Variants in ATXN7 observed in about 807,000 individuals in gnomAD.
ATXN7 encodes ataxin-7.
A neutral mutation model predicts 70.5 loss-of-function variants in ATXN7; 12 were observed. That is an observed-to-expected ratio of 0.17 (90% CI 0.11 to 0.28). The LOEUF is 0.28. Among genes scored for constraint, ATXN7 ranks in the 10% least tolerant of loss-of-function variants. The pLI is 1.00. For synonymous variants in ATXN7, 498 were observed against 448.7 expected, an observed-to-expected ratio of 1.11 and a Z score of -1.39; for missense variants, 1,256 against 1,131.7, an observed-to-expected ratio of 1.11 and a Z score of -1.58.
intron 5 of ATXN7, among the ~76,000 whole-genome samples, chr3:63,963,088 G>A (rs2075159026): frequency 6.6e-6 from 1 of 151,552 alleles, no homozygotes; most frequent in Non-Finnish European, 1.5e-5. Flanking sequence ...GCTAATTTTT[G>A]TATTTTTTGT....
At chr3:63,941,007 C>G (rs2074753518) in intron 4 of ATXN7, among the ~76,000 whole-genome samples, 1 of 152,156 alleles carries the variant, frequency 6.6e-6, no homozygotes, top group Admixed American at 6.5e-5. Context: ...ATGTTGGTCA[C>G]TGTTGTAGCC....
At chr3:63,913,854 A>G (rs1559629992) in intron 4 of ATXN7, among the ~76,000 whole-genome samples, 1 of 152,210 alleles carries the variant, frequency 6.6e-6, no homozygotes, top group Non-Finnish European at 1.5e-5. Context: ...TTTGGTAAAA[A>G]GATACACTAG....
chr3:63,980,047 T>G lies in ATXN7; in HGVS notation c.632T>G (p.Val211Gly). The G allele has an allele frequency of 6.2e-7, 1 of 1,614,202 alleles. No homozygotes were observed. The highest frequency in any genetic ancestry group is 8.5e-7 in the Non-Finnish European group (1 of 1,180,028). Residue 211 changes from valine (V) to glycine (G), a missense_variant, in exon 6 of 13, where the codon GTT becomes GGT. Transcript: ENST00000674280. ...SGSNRSSSGG[V>G]LSASSSSSKL... ...AGCAACCGTTCTTCCAGTGGAGGTG[T>G]TCTTAGCGCATCCTCATCAAGTTCC... is the stretch of plus-strand genomic sequence containing the variant.
intron 5 of ATXN7, among the ~76,000 whole-genome samples, chr3:63,972,008 G>A (rs1449081201): frequency 6.6e-6 from 1 of 152,138 alleles, no homozygotes; most frequent in Non-Finnish European, 1.5e-5. Flanking sequence ...TTCTTAAGGA[G>A]TTATAATCCT....
At chr3:63,990,712 G>C (rs2075657281) in intron 10 of ATXN7, 26 bp from the exon 11 acceptor site, 1 of 1,614,060 alleles carries the variant, frequency 6.2e-7, no homozygotes, top group Non-Finnish European at 8.5e-7. Context: ...GAGTCAGCAA[G>C]CACGCGGCTA....
Position 63,879,055 on chromosome 3 carries a change from A to G in ATXN7, c.-111+14897A>G, listed in dbSNP as rs9859985. ...TCTGGGGGTGGAAAGTGGATCAGACAAAATTATACCATACCCTATAGCATA... is the reference window on the plus strand; with the variant it reads ...TCTGGGGGTGGAAAGTGGATCAGACGAAATTATACCATACCCTATAGCATA... On this transcript the variant is annotated intron_variant, in intron 1 of 12. Coordinates refer to ENST00000674280, the MANE Select transcript of ATXN7 (RefSeq NM_001377405.1). 3.9e-5 allele frequency among the ~76,000 whole-genome samples: 6 copies of G among 152,214 alleles called. No homozygotes were observed. In the South Asian group the frequency reaches 1.2e-3, roughly 31 times the overall value.
At chr3:63,887,650 A>G (rs1703129668) in intron 1 of ATXN7, among the ~76,000 whole-genome samples, 1 of 152,120 alleles carries the variant, frequency 6.6e-6, no homozygotes, top group South Asian at 2.1e-4. Flanking sequence ...TGGTAGCACT[A>G]TCTCAGCTCA....
At chr3:63,919,352 A>G (rs1484809000) in intron 4 of ATXN7, among the ~76,000 whole-genome samples, 1 of 152,184 alleles carries the variant, frequency 6.6e-6, no homozygotes, top group Admixed American at 6.5e-5. Context: ...TTTGCTGACC[A>G]CTGTTCTGAT....
chr3:63,959,885 T>TG (rs144159194), intron 5 of ATXN7, among the ~76,000 whole-genome samples: 3,662 of 152,286 alleles, frequency 0.024, 150 homozygotes, highest in African/African-American at 0.082. Context: ...CAAAATTTAC[T>TG]GGTGCCTAAT....
At chr3:63,916,913 T>G (rs971192149) in intron 4 of ATXN7, among the ~76,000 whole-genome samples, 1 of 152,168 alleles carries the variant, frequency 6.6e-6, no homozygotes, top group Non-Finnish European at 1.5e-5. Flanking sequence ...TTTTTGTTGT[T>G]GTTGTTGTTA....
chr3:63,992,405 AACTCC>A (rs1440534157), intron 11 of ATXN7, among the ~76,000 whole-genome samples: 7 of 152,142 alleles, frequency 4.6e-5, no homozygotes, highest in African/African-American at 1.7e-4. Context: ...TCCACACCAG[AACTCC>A]CTAAGATACA....
intron 4 of ATXN7, among the ~76,000 whole-genome samples, chr3:63,929,548 G>A (rs369757560): frequency 2.6e-5 from 4 of 152,170 alleles, no homozygotes; most frequent in East Asian, 3.9e-4. Flanking sequence ...TGGGATTACA[G>A]GCGTGAGCCA....
intron 4 of ATXN7, among the ~76,000 whole-genome samples, chr3:63,922,319 G>A (rs1403377878): frequency 2.6e-5 from 4 of 152,168 alleles, no homozygotes; most frequent in Admixed American, 2.6e-4. Flanking sequence ...TGGAATTATA[G>A]GCATGAGCAA....
chr3:63,919,036 A>C (rs1704399968), intron 4 of ATXN7, among the ~76,000 whole-genome samples: 1 of 139,966 alleles, frequency 7.1e-6, no homozygotes, highest in African/African-American at 3.0e-5. Context: ...CCAGAGACCC[A>C]GAAAGACCCT....
At chr3:63,926,562 G>C (rs528960100) in intron 4 of ATXN7, among the ~76,000 whole-genome samples, 1 of 152,120 alleles carries the variant, frequency 6.6e-6, no homozygotes, top group African/African-American at 2.4e-5. Context: ...GTGCTGAAGG[G>C]TTATGAGTGA....
intron 1 of ATXN7, among the ~76,000 whole-genome samples, chr3:63,882,327 T>C (rs1702938238): frequency 2.0e-5 from 3 of 152,146 alleles, no homozygotes; most frequent in Admixed American, 2.0e-4. Context: ...AAATGAACTT[T>C]TAGGCAACAT....
intron 4 of ATXN7, among the ~76,000 whole-genome samples, chr3:63,944,127 TAGTC>T (rs1559641204): frequency 6.6e-6 from 1 of 152,156 alleles, no homozygotes; most frequent in African/African-American, 2.4e-5. Flanking sequence ...CATTGTGAAA[TAGTC>T]AGTTGCTAAT....
chr3:63,909,030 T>G lies in ATXN7; in HGVS notation c.-11-3558T>G, dbSNP rs1246059194. On this transcript the variant is annotated intron_variant, in intron 2 of 12. Coordinates refer to ENST00000674280, the MANE Select transcript of ATXN7 (RefSeq NM_001377405.1). ...CTTACTACTTTTCTCACATACTCAG[T>G]GAAATTACTATCTTGTGTTCACCCT... Among the ~76,000 whole-genome samples the G allele has an allele frequency of 2.6e-5, 4 of 152,216 alleles. No homozygotes were observed. The East Asian group carries it at 7.7e-4, about 29-fold the overall frequency.
chr3:63,993,404 C>T (rs1459346133), intron 11 of ATXN7, among the ~76,000 whole-genome samples: 2 of 149,388 alleles, frequency 1.3e-5, no homozygotes, highest in Admixed American at 1.3e-4. Flanking sequence ...GAGCCGAGAT[C>T]GCGCCACTGC....
Sources: gnomAD v4.1 joint callset for allele counts (sites outside exome capture counted in the v4.1 genomes callset) on GRCh38, gnomAD v4.1.1 for gene constraint, MANE v1.5 for transcripts, NCBI Gene and HGNC (gene_info 2026-07-23, HGNC 2026-07-21) for gene names.